The following PAIP1 variants were observed in gnomAD, a reference collection of about 807,000 sequenced individuals.
PAIP1 encodes polyadenylate-binding protein-interacting protein 1.
PAIP1 carries 16 observed loss-of-function variants against 61.3 expected under a neutral mutation model. That is an observed-to-expected ratio of 0.26 (90% CI 0.18 to 0.40). PAIP1 has a LOEUF of 0.40. PAIP1 is among the 10% of genes least tolerant of loss of function. The pLI is 1.00. For missense variants in PAIP1, 416 were observed against 600.9 expected, an observed-to-expected ratio of 0.69 and a Z score of 3.22; for synonymous variants, 187 against 226.2, an observed-to-expected ratio of 0.83 and a Z score of 1.56.
At chr5:43,542,837 T>C (rs1347022026) in intron 4 of PAIP1, among the ~76,000 whole-genome samples, 167 bp downstream of exon 4, 1 of 152,158 alleles carries the variant, frequency 6.6e-6, no homozygotes. Context: ...TCACAGACCA[T>C]TACAGAAAAA....
At chr5:43,555,592 T>C (rs1748026909) in intron 2 of PAIP1, among the ~76,000 whole-genome samples, 1 of 152,256 alleles carries the variant, frequency 6.6e-6, no homozygotes, top group African/African-American at 2.4e-5. Flanking sequence ...GAATAATCAC[T>C]AGAAACAAGA....
At position 43,556,010 on chromosome 5, in the gene PAIP1, A is replaced by C; in HGVS notation, c.266-11T>G. ...GGGGCCTCGTTTGCTCTGCAAAAGA[A>C]AAAAAAACGGGGCGTCAGATGCATT... On this transcript the variant is annotated splice_polypyrimidine_tract_variant and intron_variant, in intron 1 of 10. Coordinates refer to ENST00000306846, the MANE Select transcript of PAIP1 (RefSeq NM_006451.5). The C allele has an allele frequency of 6.2e-7, 1 of 1,603,538 alleles. No individual in the cohort carries two copies. Among genetic ancestry groups the C allele is most frequent in the Non-Finnish European group, 8.5e-7 (1 of 1,177,030 alleles).
chr5:43,537,766 C>T (rs1373926436), intron 5 of PAIP1, among the ~76,000 whole-genome samples: 2 of 152,006 alleles, frequency 1.3e-5, no homozygotes, highest in African/African-American at 2.4e-5. Context: ...GAGGCTGAGG[C>T]GGGTAGCACC....
chr5:43,538,736 G>A (rs1317765355), intron 5 of PAIP1, among the ~76,000 whole-genome samples, 188 bp downstream of exon 5: 4 of 152,308 alleles, frequency 2.6e-5, no homozygotes, highest in African/African-American at 4.8e-5. Flanking sequence ...TTCTGTCCAT[G>A]AGTAAATGTT....
intron 8 of PAIP1, among the ~76,000 whole-genome samples, chr5:43,534,179 G>A (rs1433780833): frequency 6.6e-6 from 1 of 152,040 alleles, no homozygotes; most frequent in Non-Finnish European, 1.5e-5. Context: ...GGAGCTTCAG[G>A]GCATCACTGG....
intron 2 of PAIP1, among the ~76,000 whole-genome samples, chr5:43,548,194 A>G (rs1336689426): frequency 6.6e-6 from 1 of 152,216 alleles, no homozygotes; most frequent in Non-Finnish European, 1.5e-5. Context: ...CCAATATTTC[A>G]CTACAATGCC....
intron 10 of PAIP1, 128 bp from the exon 11 acceptor site, chr5:43,527,597 T>C: frequency 1.4e-6 from 1 of 715,446 alleles, no homozygotes; most frequent in East Asian, 3.2e-5. Flanking sequence ...AGCCTAACTT[T>C]AGAATTACAT....
chr5:43,530,026 T>C lies in PAIP1; in HGVS notation c.1253-147A>G, dbSNP rs536170357. On this transcript the variant is annotated intron_variant, in intron 9 of 10. Coordinates refer to ENST00000306846, the MANE Select transcript of PAIP1 (RefSeq NM_006451.5). ...GTAATTACATATAGTACTATAGATA[T>C]AAGTTGGAAATCAAAGCCACTGTAG... 3.5e-4 allele frequency: 212 copies of C among 598,378 alleles called. 2 individuals are homozygous for C. In the East Asian group the frequency reaches 5.9e-3, roughly 17 times the overall value. The allele number at this position is 598,378 out of a possible 1,614,324, so 37.1% of individuals were successfully genotyped here.
intron 3 of PAIP1, among the ~76,000 whole-genome samples, chr5:43,544,872 T>G (rs1224240740): frequency 6.6e-6 from 1 of 152,112 alleles, no homozygotes; most frequent in Non-Finnish European, 1.5e-5. Flanking sequence ...TCTGAAAAAA[T>G]CCATCTGAAA....
rs558392955 is a variant in PAIP1 at position 43,531,886 on chromosome 5, A to C, written c.1252+1852T>G. On this transcript the variant is annotated intron_variant, in intron 9 of 10. Coordinates refer to ENST00000306846, the MANE Select transcript of PAIP1 (RefSeq NM_006451.5). ...CAGAAATAACAGAAGGGTTATAATT[A>C]AGAGATAAAACAAAAATATAAGACA... Among the ~76,000 whole-genome samples the C allele has an allele frequency of 3.4e-4, 52 of 152,164 alleles. No homozygotes were observed. The South Asian group carries it at 0.011, about 31-fold the overall frequency.
chr5:43,546,878 A>G (rs1747656829), intron 3 of PAIP1, among the ~76,000 whole-genome samples: 1 of 151,874 alleles, frequency 6.6e-6, no homozygotes, highest in African/African-American at 2.4e-5. Context: ...CCCTGTCTCT[A>G]TCAAAAATAC....
chr5:43,533,587 T>C, intron 9 of PAIP1, 151 bp downstream of exon 9: 1 of 657,548 alleles, frequency 1.5e-6, no homozygotes, highest in Non-Finnish European at 2.8e-6. Flanking sequence ...ATGAAGAGCA[T>C]TCTATATTAG....
chr5:43,539,429 C>T (rs1467277375), intron 4 of PAIP1, among the ~76,000 whole-genome samples: 1 of 148,604 alleles, frequency 6.7e-6, no homozygotes, highest in Non-Finnish European at 1.5e-5. Context: ...TTTAATACTA[C>T]AACTTTGAAA....
Position 43,535,106 on chromosome 5 carries a change from A to G in PAIP1, c.1080-136T>C, listed in dbSNP as rs1747091787. On this transcript the variant is annotated intron_variant, in intron 7 of 10. Coordinates refer to ENST00000306846, the MANE Select transcript of PAIP1 (RefSeq NM_006451.5). Reference sequence around the variant, plus strand: ...TGCCTTGACTTTCTAGACGTTTCCTATATGACATAAATTCATTTAAAAAAA... The same window carrying G: ...TGCCTTGACTTTCTAGACGTTTCCTGTATGACATAAATTCATTTAAAAAAA... 15 of 623,034 alleles carry G rather than the reference A, an allele frequency of 2.4e-5. 1 individual carries two copies. Among genetic ancestry groups the G allele is most frequent in the South Asian group, 2.2e-4 (11 of 50,944 alleles). 38.6% of individuals were successfully genotyped at this position (623,034 alleles called of 1,614,324 possible).
intron 10 of PAIP1, among the ~76,000 whole-genome samples, chr5:43,529,348 C>T (rs560889278): frequency 6.6e-6 from 1 of 151,922 alleles, no homozygotes; most frequent in African/African-American, 2.4e-5. Flanking sequence ...TGAGTTAATA[C>T]AATTTTCTGA....
At chr5:43,546,821 T>C (rs1747653249) in intron 3 of PAIP1, among the ~76,000 whole-genome samples, 2 of 152,068 alleles carry the variant, frequency 1.3e-5, no homozygotes, top group Admixed American at 6.5e-5. Flanking sequence ...GGCAAGCAGA[T>C]CACTTGCGGT....
chr5:43,527,622 G>A (rs1047079913), intron 10 of PAIP1, among the ~76,000 whole-genome samples, 153 bp from the exon 11 acceptor site: 6 of 151,964 alleles, frequency 3.9e-5, no homozygotes, highest in African/African-American at 1.5e-4. Flanking sequence ...GGCAGTCTTC[G>A]GACAACCAAA....
At chr5:43,537,858 G>C (rs995149408) in intron 5 of PAIP1, among the ~76,000 whole-genome samples, 3 of 152,004 alleles carry the variant, frequency 2.0e-5, no homozygotes, top group Non-Finnish European at 4.4e-5. Flanking sequence ...GCCAGGCATA[G>C]TGGTACGTGC....
At chr5:43,550,660 T>C (rs67581152) in intron 2 of PAIP1, among the ~76,000 whole-genome samples, 85,031 of 151,038 alleles carry the variant, frequency 0.56, 25,879 homozygotes, top group African/African-American at 0.77. Context: ...TAAGTCACTT[T>C]GGTTATTCAT....
Sources: allele counts gnomAD v4.1 joint callset (sites outside exome capture counted in the v4.1 genomes callset), GRCh38; gene constraint gnomAD v4.1.1; transcripts MANE v1.5; gene names NCBI Gene and HGNC (gene_info 2026-07-23, HGNC 2026-07-21).